The following GAPDHS variants were observed in gnomAD, a reference collection of about 807,000 sequenced individuals.
GAPDHS encodes glyceraldehyde-3-phosphate dehydrogenase, testis-specific.
GAPDHS carries 42 observed loss-of-function variants against 48.7 expected under a neutral mutation model. The ratio of observed to expected loss-of-function variants is 0.86; its 90% CI spans 0.67 to 1.12. GAPDHS has a LOEUF of 1.12. Ranked by LOEUF, GAPDHS falls within the 50% of genes most tolerant of loss-of-function variation. GAPDHS has a pLI of 0.00. For synonymous variants in GAPDHS, 166 were observed against 219.1 expected (o/e 0.76, Z 2.14); for missense variants, 512 against 557.7 (o/e 0.92, Z 0.82).
At chr19:35,538,456 G>T in intron 3 of GAPDHS, 53 bp downstream of exon 3, 2 of 1,271,180 alleles carry the variant, frequency 1.6e-6, no homozygotes, top group East Asian at 2.3e-5. Flanking sequence ...GGTGGGAAAG[G>T]GACTCAGGGA....
chr19:35,541,972 T>G, intron 4 of GAPDHS: 1 of 291,822 alleles, frequency 3.4e-6, no homozygotes, highest in Non-Finnish European at 6.7e-6. Context: ...AGTCACAGAG[T>G]CCACGTCCCG....
At chr19:35,542,632 C>T (rs751107085) in intron 6 of GAPDHS, 24 bp downstream of exon 6, 3 of 1,475,276 alleles carry the variant, frequency 2.0e-6, no homozygotes, top group Admixed American at 3.3e-5. Flanking sequence ...TGACATCCTG[C>T]AATGTGTGGA....
At chr19:35,540,558 ATG>A (rs2071494687) in intron 4 of GAPDHS, among the ~76,000 whole-genome samples, 1 of 150,186 alleles carries the variant, frequency 6.7e-6, no homozygotes, top group African/African-American at 2.4e-5. Flanking sequence ...ATAACCATGC[ATG>A]TGTGATGGCT....
intron 1 of GAPDHS, among the ~76,000 whole-genome samples, chr19:35,535,889 C>T (rs562778602): frequency 2.0e-5 from 3 of 151,826 alleles, no homozygotes; most frequent in Admixed American, 6.6e-5. Flanking sequence ...CTTGCCTCAG[C>T]CCCCCGAGGA....
Position 35,543,798 on chromosome 19 carries a change from G to C in GAPDHS, c.1027G>C (p.Ala343Pro), listed in dbSNP as rs777036280. The C allele has an allele frequency of 3.7e-6, 6 of 1,613,246 alleles. No individual in the cohort carries two copies. The highest frequency in any genetic ancestry group is 5.1e-6 in the Non-Finnish European group (6 of 1,179,766). The stretch of plus-strand genomic sequence containing the variant: ...AAAAGCAGCAGCCAAGGGGCCCATG[G>C]CTGGCATCCTTGCCTACACCGAGGA... ...AVKAAAKGPM[A>P]GILAYTEDEV... is the part of the protein sequence containing the mutation. The change falls in exon 9 of 11, where the codon GCT becomes CCT. Residue 343 changes from alanine (A) to proline (P), a missense_variant. Coordinates refer to ENST00000222286, the MANE Select transcript of GAPDHS (RefSeq NM_014364.5).
chr19:35,537,377 G>C (rs898227107), intron 2 of GAPDHS, among the ~76,000 whole-genome samples: 1 of 152,136 alleles, frequency 6.6e-6, no homozygotes, highest in African/African-American at 2.4e-5. Context: ...TCCAGGCAGC[G>C]GGACAAGCAA....
chr19:35,542,963 CAACT>C lies in GAPDHS; in HGVS notation c.679_682del (p.Asn227ValfsTer19), dbSNP rs2071515372. On this transcript the variant is annotated frameshift_variant, in exon 7 of 11. Coordinates refer to ENST00000222286, the MANE Select transcript of GAPDHS (RefSeq NM_014364.5). LOFTEE classifies it high-confidence loss of function. ...GTTTCAGCAACGCGTCCTGCACCAC[CAACT>C]GTTTGGCTCCCCTCGCCAAAGTCAT... The C allele has an allele frequency of 3.1e-6, 5 of 1,613,934 alleles. No homozygotes were observed. The East Asian group carries it at 6.7e-5, about 22-fold the overall frequency.
intron 2 of GAPDHS, among the ~76,000 whole-genome samples, chr19:35,537,946 C>T (rs2071476348): frequency 2.0e-5 from 3 of 152,042 alleles, no homozygotes; most frequent in African/African-American, 7.2e-5. Context: ...TGTGGTGGTA[C>T]GCGCCTGTAG....
At position 35,543,443 on chromosome 19, in the gene GAPDHS, C is replaced by T. The variant is rs184618766; in HGVS notation, c.845C>T (p.Ser282Phe). Residue 282 changes from serine (S) to phenylalanine (F), a missense_variant, in exon 8 of 11, where the codon TCC becomes TTC. Physicochemically the swap from Ser to Phe is radical, Grantham distance 155 (BLOSUM62 -2). Coordinates refer to ENST00000222286, the MANE Select transcript of GAPDHS (RefSeq NM_014364.5). ...GCCCACCAGAACATCATCCCAGCCT[C>T]CACTGGGGCTGCGAAAGCTGTGACC... ...RGAHQNIIPA[S>F]TGAAKAVTKV... The T allele has an allele frequency of 1.9e-4, 307 of 1,607,762 alleles. 2 individuals carry two copies. In the East Asian group the frequency reaches 6.7e-3, roughly 35 times the overall value.
chr19:35,539,846 A>C (rs58824014), intron 4 of GAPDHS, among the ~76,000 whole-genome samples: 21,524 of 152,174 alleles, frequency 0.14, 2,121 homozygotes, highest in East Asian at 0.37. Context: ...GCAGACTTCA[A>C]CGTGGCCACC....
At chr19:35,539,186 T>C (rs2071485167) in intron 4 of GAPDHS, among the ~76,000 whole-genome samples, 1 of 152,220 alleles carries the variant, frequency 6.6e-6, no homozygotes, top group African/African-American at 2.4e-5. Flanking sequence ...CAGGAGCCAC[T>C]GCATTTTGCT....
In GAPDHS at chr19:35,542,613, T is replaced by C; in HGVS notation, c.659+5T>C. On this transcript the variant is annotated splice_donor_5th_base_variant and intron_variant, in intron 6 of 10. Transcript: ENST00000222286. ...TGGCTCCATGAACATTGTGAGGTAA[T>C]GTGGGCAGTGACATCCTGCAATGTG... 2 of 1,567,510 alleles carry C rather than the reference T, an allele frequency of 1.3e-6. No homozygotes were observed. Among genetic ancestry groups the C allele is most frequent in the Non-Finnish European group, 1.8e-6 (2 of 1,137,640 alleles).
At chr19:35,533,877 G>A (rs2071448068) in intron 1 of GAPDHS, among the ~76,000 whole-genome samples, 2 of 152,234 alleles carry the variant, frequency 1.3e-5, no homozygotes, top group African/African-American at 2.4e-5. Flanking sequence ...GGAGGCTGCA[G>A]CCTGAAAGTG....
chr19:35,543,538 G>A (rs1045708118), intron 8 of GAPDHS, 47 bp downstream of exon 8: 1 of 1,579,500 alleles, frequency 6.3e-7, no homozygotes, highest in East Asian at 2.2e-5. Flanking sequence ...TACGCCAGGA[G>A]GACTGGACTG....
intron 1 of GAPDHS, among the ~76,000 whole-genome samples, chr19:35,535,416 G>A (rs753323326): frequency 6.6e-6 from 1 of 151,800 alleles, no homozygotes; most frequent in South Asian, 2.1e-4. Context: ...ATGGAGTTTC[G>A]CTCTTGTTGC....
Position 35,538,682 on chromosome 19 carries a change from T to C in GAPDHS, c.448T>C (p.Cys150Arg). The C allele has an allele frequency of 1.9e-6, 3 of 1,549,310 alleles. No homozygotes were observed. The highest frequency in any genetic ancestry group is 1.8e-6 in the Non-Finnish European group (2 of 1,120,890). The change falls in exon 4 of 11, where the codon TGC becomes CGC. Residue 150 changes from cysteine to arginine, a missense_variant and splice_region_variant. Cys to Arg is a radical substitution (Grantham distance 180). Coordinates refer to ENST00000222286, the MANE Select transcript of GAPDHS (RefSeq NM_014364.5). ...VDNHEISVYQ[C>R]KEPKQIPWRA... ...CAACCATGAGATCTCTGTCTACCAG[T>C]GGTAAGGAAAGCATCTGTCTGATGC...
At position 35,544,942 on chromosome 19, in the gene GAPDHS, T is replaced by TCGTC. The variant is rs1253735441; in HGVS notation, c.1092_1095dup (p.Ile366ValfsTer6). 1 of 1,613,558 alleles carries TCGTC rather than the reference T, an allele frequency of 6.2e-7. No homozygotes were observed. Among genetic ancestry groups the TCGTC allele is most frequent in the Non-Finnish European group, 8.5e-7 (1 of 1,179,526 alleles). On this transcript the variant is annotated frameshift_variant, in exon 10 of 11. Coordinates refer to ENST00000222286, the MANE Select transcript of GAPDHS (RefSeq NM_014364.5). LOFTEE classifies it high-confidence loss of function. ...TACGGACTTCCTCGGTGATACCCAC[T>TCGTC]CGTCCATCTTCGATGCTAAGGCCGG...
Position 35,543,419 on chromosome 19 carries a change from C to T in GAPDHS, c.821C>T (p.Ala274Val). 1 of 1,610,470 alleles carries T rather than the reference C, an allele frequency of 6.2e-7. No individual in the cohort carries two copies. The change falls in exon 8 of 11, where the codon GCC becomes GTC. Residue 274 changes from alanine to valine, a missense_variant. Physicochemically the swap from Ala to Val is moderately conservative, Grantham distance 64. Coordinates refer to ENST00000222286, the MANE Select transcript of GAPDHS (RefSeq NM_014364.5). ...AAGGCCTGGCGAGATGGGCGGGGTGCCCACCAGAACATCATCCCAGCCTCC... is the reference window on the plus strand; with the variant it reads ...AAGGCCTGGCGAGATGGGCGGGGTGTCCACCAGAACATCATCCCAGCCTCC... ...SRKAWRDGRG[A>V]HQNIIPASTG...
chr19:35,542,950 C>G lies in GAPDHS; in HGVS notation c.665C>G (p.Ala222Gly). The part of the protein sequence containing the change: ...NPGSMNIVSN[A>G]SCTTNCLAPL... ...GCACACCTTGGCTGTTTCAGCAACG[C>G]GTCCTGCACCACCAACTGTTTGGCT... Residue 222 changes from alanine to glycine, a missense_variant, in exon 7 of 11, where the codon GCG (alanine) becomes GGG (glycine). Ala to Gly is a moderately conservative substitution (Grantham distance 60, BLOSUM62 0). Coordinates refer to ENST00000222286, the MANE Select transcript of GAPDHS (RefSeq NM_014364.5). 1.2e-6 allele frequency: 2 copies of G among 1,613,570 alleles called. No homozygotes were observed. The highest frequency in any genetic ancestry group is 1.7e-6 in the Non-Finnish European group (2 of 1,179,468).
Sources: gnomAD v4.1 joint callset for allele counts (sites outside exome capture counted in the v4.1 genomes callset) on GRCh38, gnomAD v4.1.1 for gene constraint, MANE v1.5 for transcripts, NCBI Gene and HGNC (gene_info 2026-07-23, HGNC 2026-07-21) for gene names.